The following WDFY2 variants were observed in gnomAD, a reference collection of about 807,000 sequenced individuals.
WDFY2 encodes the protein WD repeat and FYVE domain containing 2.
A neutral mutation model predicts 56.4 loss-of-function variants in WDFY2; 36 were observed. That is an observed-to-expected ratio of 0.64 (90% confidence interval 0.49 to 0.84). The LOEUF (loss-of-function observed/expected upper bound fraction) is 0.84. Among genes scored for constraint, WDFY2 ranks in the 40% least tolerant of loss-of-function variants. The pLI, the probability that WDFY2 is intolerant of heterozygous loss-of-function variation, is 0.00. For missense variants in WDFY2, 444 were observed against 512.2 expected (o/e 0.87, Z 1.29); for synonymous variants, 176 against 183.7 (o/e 0.96, Z 0.34).
intron 1 of WDFY2, among the ~76,000 whole-genome samples, chr13:51,652,330 C>T (rs1955407679): frequency 6.6e-6 from 1 of 152,216 alleles, no homozygotes; most frequent in Non-Finnish European, 1.5e-5. Context: ...GTGAATACAG[C>T]ACACTGATAG....
At chr13:51,754,660 A>G (rs1400468022) in intron 8 of WDFY2, among the ~76,000 whole-genome samples, 3 of 152,174 alleles carry the variant, frequency 2.0e-5, no homozygotes, top group Non-Finnish European at 4.4e-5. Context: ...TATCTTTTGT[A>G]TCATCTGCCA....
intron 11 of WDFY2, among the ~76,000 whole-genome samples, chr13:51,759,123 G>C (rs1270596273): frequency 6.6e-6 from 1 of 152,216 alleles, no homozygotes; most frequent in African/African-American, 2.4e-5. Context: ...CGAGGCTGCA[G>C]TGAGCCATGA....
At chr13:51,696,147 G>A (rs1373155920) in intron 3 of WDFY2, among the ~76,000 whole-genome samples, 1 of 152,132 alleles carries the variant, frequency 6.6e-6, no homozygotes, top group African/African-American at 2.4e-5. Flanking sequence ...GCAATGCCTC[G>A]CCCTGCTTTG....
At position 51,751,291 on chromosome 13, in the gene WDFY2, C is replaced by A; in HGVS notation, c.726-19C>A. The stretch of plus-strand genomic sequence containing the variant: ...ATTTGTTCTCCTAAACTGTCAATAA[C>A]CCTTGGTTTCTTTCACAGCGACAGA... On this transcript the variant is annotated intron_variant, in intron 7 of 11. Transcript: ENST00000298125. The A allele has an allele frequency of 3.1e-6, 5 of 1,609,486 alleles. No homozygotes were observed. The highest frequency in any genetic ancestry group is 3.4e-6 in the Non-Finnish European group (4 of 1,178,000).
intron 2 of WDFY2, among the ~76,000 whole-genome samples, chr13:51,671,312 A>G (rs868542509): frequency 2.6e-5 from 4 of 152,166 alleles, no homozygotes; most frequent in Middle Eastern, 3.2e-3. Flanking sequence ...TAGTGGTTGT[A>G]CTAGTTTGCA....
In WDFY2 at chr13:51,726,849, C is replaced by T. The variant is rs542572674; in HGVS notation, c.486-829C>T. 3.3e-5 allele frequency among the ~76,000 whole-genome samples: 5 copies of T among 152,214 alleles called. No homozygotes were observed. The East Asian group carries it at 9.6e-4, about 29-fold the overall frequency. On this transcript the variant is annotated intron_variant, in intron 5 of 11. Coordinates refer to ENST00000298125, the MANE Select transcript of WDFY2 (RefSeq NM_052950.4). The stretch of plus-strand genomic sequence containing the variant: ...CTATTAGGTTTGGGATCCTTTTCTT[C>T]TTGATTGCTCTTTTTATATTAGAGA...
intron 3 of WDFY2, among the ~76,000 whole-genome samples, chr13:51,701,066 G>T (rs530312076): frequency 1.8e-4 from 28 of 152,206 alleles, no homozygotes; most frequent in Non-Finnish European, 3.5e-4. Flanking sequence ...ACTGTGAAAA[G>T]AAAACAGCAT....
At chr13:51,685,533 A>G (rs1263601746) in intron 3 of WDFY2, among the ~76,000 whole-genome samples, 4 of 152,206 alleles carry the variant, frequency 2.6e-5, no homozygotes, top group Admixed American at 6.6e-5. Flanking sequence ...CAATAAAGTA[A>G]GCTGAAGAAA....
rs901264638 is a variant in WDFY2, at chr13:51,601,417, A to G, written c.137+16593A>G. 8.2e-5 allele frequency among the ~76,000 whole-genome samples: 12 copies of G among 146,546 alleles called. No homozygotes were observed. The Admixed American group carries it at 8.5e-4, about 10-fold the overall frequency. On this transcript the variant is annotated intron_variant, in intron 1 of 11. Coordinates refer to ENST00000298125, the MANE Select transcript of WDFY2 (RefSeq NM_052950.4). Reference sequence around the variant, plus strand: ...AATGATTGTATGAAGTTAGTAGTTTACTTTTTTTTTTTTTTAGACATAGTT... The same window carrying G: ...AATGATTGTATGAAGTTAGTAGTTTGCTTTTTTTTTTTTTTAGACATAGTT...
At chr13:51,655,880 A>AT (rs1184172297) in intron 1 of WDFY2, among the ~76,000 whole-genome samples, 1 of 151,978 alleles carries the variant, frequency 6.6e-6, no homozygotes, top group East Asian at 1.9e-4. Context: ...TTGAGTCAGT[A>AT]TTGGTAGATT....
chr13:51,740,652 C>T (rs377184227), intron 7 of WDFY2, among the ~76,000 whole-genome samples: 6 of 148,408 alleles, frequency 4.0e-5, no homozygotes, highest in African/African-American at 7.5e-5. Flanking sequence ...AGGTGGAGGT[C>T]GCGGTGAGCC....
chr13:51,675,293 G>A (rs1203687940), intron 3 of WDFY2, 50 bp downstream of exon 3: 3 of 1,508,018 alleles, frequency 2.0e-6, no homozygotes, highest in Non-Finnish European at 2.8e-6. Context: ...CCTTCCTGTG[G>A]AGTATGTATA....
At position 51,758,173 on chromosome 13, in the gene WDFY2, C is replaced by G; in HGVS notation, c.1065-19C>G. On this transcript the variant is annotated intron_variant, in intron 10 of 11. Coordinates refer to ENST00000298125, the MANE Select transcript of WDFY2 (RefSeq NM_052950.4). ...TGTCACCACCTTTTCCCCTCAGAAGCTTTCTTTGCTCCTTCTAGACGTGCA... is the reference window on the plus strand; with the variant it reads ...TGTCACCACCTTTTCCCCTCAGAAGGTTTCTTTGCTCCTTCTAGACGTGCA... The G allele has an allele frequency of 6.5e-7, 1 of 1,532,720 alleles. No homozygotes were observed. The highest frequency in any genetic ancestry group is 8.9e-7 in the Non-Finnish European group (1 of 1,119,278). 94.9% of individuals were successfully genotyped at this position (1,532,720 alleles called of 1,614,324 possible). A position where few individuals can be genotyped will look rare whatever the true frequency, so the allele number is the denominator to read the frequency against.
intron 4 of WDFY2, among the ~76,000 whole-genome samples, chr13:51,711,637 A>T (rs182719546): frequency 6.6e-6 from 1 of 152,380 alleles, no homozygotes; most frequent in Non-Finnish European, 1.5e-5. Flanking sequence ...AAAGGATATA[A>T]ACAGACATTT....
chr13:51,724,394 C>T (rs1209473227), intron 5 of WDFY2, among the ~76,000 whole-genome samples: 7 of 151,940 alleles, frequency 4.6e-5, no homozygotes, highest in South Asian at 2.1e-4. Context: ...CTGACCACCG[C>T]GCCCAGCTAA....
chr13:51,719,310 G>C lies in WDFY2; in HGVS notation c.447G>C (p.Leu149=), dbSNP rs769156524. Residue 149 remains leucine (L), a synonymous_variant, in exon 5 of 12, where the codon CTG becomes CTC. Coordinates refer to ENST00000298125, the MANE Select transcript of WDFY2 (RefSeq NM_052950.4). ...ACTGCTCTGAGAGTGGGCAGCGCCTGGGAGGTTATCGGACCAGTGCTGTGG... is the reference window on the plus strand; with the variant it reads ...ACTGCTCTGAGAGTGGGCAGCGCCTCGGAGGTTATCGGACCAGTGCTGTGG... The part of the protein sequence containing the change: ...AWHCSESGQR[L]GGYRTSAVAS... 6.2e-7 allele frequency: 1 copy of C among 1,612,840 alleles called. No homozygotes were observed. The highest frequency in any genetic ancestry group is 2.2e-5 in the East Asian group (1 of 44,870).
Position 51,743,355 on chromosome 13 carries a change from G to A in WDFY2, c.725+4180G>A, listed in dbSNP as rs781620209. 3.9e-5 allele frequency among the ~76,000 whole-genome samples: 6 copies of A among 152,266 alleles called. No individual in the cohort carries two copies. The South Asian group carries it at 6.2e-4, about 16-fold the overall frequency. The stretch of plus-strand genomic sequence containing the variant: ...CTGCCAATGGCCTGCAGCCTCAGGC[G>A]AGGCACTGCACCTTTCTGATCTTCA... On this transcript the variant is annotated intron_variant, in intron 7 of 11. Coordinates refer to ENST00000298125, the MANE Select transcript of WDFY2 (RefSeq NM_052950.4).
intron 3 of WDFY2, among the ~76,000 whole-genome samples, chr13:51,690,162 T>G (rs983960232): frequency 6.1e-5 from 9 of 148,164 alleles, no homozygotes; most frequent in Admixed American, 1.4e-4. Flanking sequence ...TTTAAAAAAT[T>G]TTTCCATTTT....
At chr13:51,713,846 C>CAAAAAAA (rs763208351) in intron 4 of WDFY2, among the ~76,000 whole-genome samples, 1 of 55,370 alleles carries the variant, frequency 1.8e-5, no homozygotes, top group Non-Finnish European at 3.8e-5. Flanking sequence ...GATTCCATCT[C>CAAAAAAA]AAAAAAAAAA....
Sources: gnomAD v4.1 joint callset for allele counts (sites outside exome capture counted in the v4.1 genomes callset) on GRCh38, gnomAD v4.1.1 for gene constraint, MANE v1.5 for transcripts, NCBI Gene and HGNC (gene_info 2026-07-23, HGNC 2026-07-21) for gene names.